TNIK: variants seen among roughly 807,000 people sequenced by gnomAD.
The protein encoded by TNIK is TRAF2 and NCK interacting kinase, also known as TRAF2 and NCK-interacting protein kinase.
A neutral mutation model predicts 191.3 loss-of-function variants in TNIK; 49 were observed. The observed-to-expected ratio is 0.26, with a 90% confidence interval of 0.20 to 0.32. TNIK has a LOEUF of 0.32. Among genes scored for constraint, TNIK ranks in the 10% least tolerant of loss-of-function variants. The pLI is 1.00. For missense variants in TNIK, 1,155 were observed against 1,702.3 expected, an observed-to-expected ratio of 0.68 and a Z score of 5.66; for synonymous variants, 594 against 600.9, an observed-to-expected ratio of 0.99 and a Z score of 0.17.
chr3:171,427,941 T>C (rs1253314641), intron 1 of TNIK, among the ~76,000 whole-genome samples: 1 of 152,136 alleles, frequency 6.6e-6, no homozygotes, highest in Non-Finnish European at 1.5e-5. Context: ...GAGAGGACGC[T>C]GCAGTCTCCT....
rs116348651 is a variant in TNIK at position 171,298,529 on chromosome 3, T to A, written c.124-70308A>T. Among the ~76,000 whole-genome samples, 1,039 of 152,316 alleles carry A rather than the reference T, an allele frequency of 6.8e-3. 6 individuals are homozygous for A. Among genetic ancestry groups the A allele is most frequent in the Non-Finnish European group, 0.012 (795 of 68,034 alleles). Reference sequence around the variant, plus strand: ...AACTTGTGGCCAGAAGTGATTTGTGTCCCTTTTAGGCCAAAGTGTAAAAGA... The same window carrying A: ...AACTTGTGGCCAGAAGTGATTTGTGACCCTTTTAGGCCAAAGTGTAAAAGA... On this transcript the variant is annotated intron_variant, in intron 2 of 32. Transcript: ENST00000436636.
intron 2 of TNIK, among the ~76,000 whole-genome samples, chr3:171,354,189 A>G (rs1713663525): frequency 1.3e-5 from 2 of 152,174 alleles, no homozygotes; most frequent in South Asian, 4.1e-4. Context: ...TTGTATAGCT[A>G]TCCTTGTTTT....
At chr3:171,458,153 C>T (rs1728988404) in intron 1 of TNIK, among the ~76,000 whole-genome samples, 1 of 140,478 alleles carries the variant, frequency 7.1e-6, no homozygotes, top group Non-Finnish European at 1.6e-5. Context: ...ACTTCCCGCC[C>T]CCCACCCCGA....
At chr3:171,210,990 G>T in intron 4 of TNIK, 126 bp downstream of exon 4, 1 of 1,183,672 alleles carries the variant, frequency 8.4e-7, no homozygotes, top group Non-Finnish European at 1.2e-6. Flanking sequence ...AATATGTTAC[G>T]GACATCATGG....
chr3:171,370,468 A>G (rs750884663), intron 1 of TNIK, among the ~76,000 whole-genome samples: 9 of 152,250 alleles, frequency 5.9e-5, no homozygotes, highest in Non-Finnish European at 1.3e-4. Flanking sequence ...AGTTGAAAAG[A>G]AAAATCAAAG....
chr3:171,191,946 G>A (rs751823908), intron 5 of TNIK, among the ~76,000 whole-genome samples: 5 of 152,156 alleles, frequency 3.3e-5, no homozygotes, highest in Non-Finnish European at 7.4e-5. Context: ...GGGTCCCCGA[G>A]TGTTCTTTAT....
At chr3:171,142,869 C>T (rs927344912) in intron 12 of TNIK, among the ~76,000 whole-genome samples, 1 of 152,206 alleles carries the variant, frequency 6.6e-6, no homozygotes, top group Non-Finnish European at 1.5e-5. Context: ...TTACTCCAAC[C>T]ATCCGTCTCT....
At chr3:171,076,483 C>T (rs893373266) in intron 28 of TNIK, among the ~76,000 whole-genome samples, 2 of 152,164 alleles carry the variant, frequency 1.3e-5, no homozygotes, top group Non-Finnish European at 2.9e-5. Context: ...AAATGTGTCT[C>T]ATACTTTTCT....
At chr3:171,289,270 C>T (rs990107823) in intron 2 of TNIK, among the ~76,000 whole-genome samples, 3 of 152,134 alleles carry the variant, frequency 2.0e-5, no homozygotes, top group Non-Finnish European at 2.9e-5. Context: ...TTGAAAGAAC[C>T]TGTAAAAAGA....
intron 22 of TNIK, among the ~76,000 whole-genome samples, chr3:171,101,101 T>G (rs1371244415): frequency 6.6e-6 from 1 of 152,140 alleles, no homozygotes; most frequent in Non-Finnish European, 1.5e-5. Context: ...TGCCCATGAT[T>G]TCAGTGTTTC....
chr3:171,135,910 G>A (rs1204089418), intron 15 of TNIK, among the ~76,000 whole-genome samples: 2 of 152,212 alleles, frequency 1.3e-5, no homozygotes, highest in Non-Finnish European at 2.9e-5. Context: ...TCTCCTGAAA[G>A]CTTGGGAGCT....
chr3:171,090,415 T>TTTTC (rs1347526549), intron 23 of TNIK, among the ~76,000 whole-genome samples: 1 of 149,130 alleles, frequency 6.7e-6, no homozygotes, highest in Non-Finnish European at 1.5e-5. Context: ...TTTTTCTTTC[T>TTTTC]TTTCTTTCTT....
chr3:171,334,805 A>G (rs1156852115), intron 2 of TNIK, among the ~76,000 whole-genome samples: 2 of 152,126 alleles, frequency 1.3e-5, no homozygotes, highest in Non-Finnish European at 2.9e-5. Flanking sequence ...GGAAAAGCAG[A>G]GTATGAAAGG....
intron 12 of TNIK, among the ~76,000 whole-genome samples, chr3:171,146,255 T>A (rs1407031276): frequency 6.6e-6 from 1 of 152,230 alleles, no homozygotes; most frequent in South Asian, 2.1e-4. Context: ...TTCTACATTG[T>A]CTTCTTGTTT....
intron 30 of TNIK, among the ~76,000 whole-genome samples, chr3:171,067,949 A>G (rs1237808405): frequency 6.6e-6 from 1 of 152,226 alleles, no homozygotes; most frequent in Admixed American, 6.5e-5. Flanking sequence ...TGTATGTAAT[A>G]TACTGAAACA....
At chr3:171,106,893 T>C (rs537090445) in intron 21 of TNIK, 20 of 505,322 alleles carry the variant, frequency 4.0e-5, no homozygotes, top group African/African-American at 3.7e-4. Flanking sequence ...TATTGGAAGA[T>C]ACTGGAAGGA....
At chr3:171,244,965 A>T (rs995648646) in intron 2 of TNIK, among the ~76,000 whole-genome samples, 1 of 152,138 alleles carries the variant, frequency 6.6e-6, no homozygotes, top group African/African-American at 2.4e-5. Flanking sequence ...GATTTGTATA[A>T]ACTTCATAAC....
At chr3:171,106,555 T>C (rs1255682322) in intron 21 of TNIK, 1 of 413,414 alleles carries the variant, frequency 2.4e-6, no homozygotes. Context: ...CTCTGCTGTA[T>C]TCATGCAGGT....
intron 7 of TNIK, among the ~76,000 whole-genome samples, chr3:171,183,160 T>G (rs1431370383): frequency 6.6e-6 from 1 of 152,150 alleles, no homozygotes; most frequent in Non-Finnish European, 1.5e-5. Flanking sequence ...CATGCAGGCA[T>G]AAACAAGAAG....
Sources: allele counts gnomAD v4.1 joint callset (sites outside exome capture counted in the v4.1 genomes callset), GRCh38; gene constraint gnomAD v4.1.1; transcripts MANE v1.5; gene names NCBI Gene and HGNC (gene_info 2026-07-23, HGNC 2026-07-21).